The following RARB variants were observed in gnomAD, a reference collection of about 807,000 sequenced individuals.
RARB encodes the protein retinoic acid receptor beta, also known as HBV-activated protein.
RARB carries 17 observed loss-of-function variants against 51.9 expected under a neutral mutation model. The ratio of observed to expected loss-of-function variants is 0.33; its 90% CI spans 0.22 to 0.49. The LOEUF is 0.49. Among genes scored for constraint, RARB ranks in the 20% least tolerant of loss-of-function variants. The pLI is 0.99. For synonymous variants in RARB, 215 were observed against 195.4 expected (o/e 1.10, Z -0.84); for missense variants, 369 against 550.8 (o/e 0.67, Z 3.30).
At chr3:25,355,938 T>C (rs1705720538) in intron 5 of RARB, among the ~76,000 whole-genome samples, 1 of 152,166 alleles carries the variant, frequency 6.6e-6, no homozygotes, top group Non-Finnish European at 1.5e-5. Flanking sequence ...GAAAAAAAAG[T>C]TAAGCAGGAA....
intron 3 of RARB, among the ~76,000 whole-genome samples, chr3:25,563,947 CTTTTTTT>C (rs58611383): frequency 1.5e-5 from 2 of 137,014 alleles, no homozygotes; most frequent in East Asian, 2.1e-4. Flanking sequence ...TTGTATTTTC[CTTTTTTT>C]TTTTTTTTTT....
intron 5 of RARB, among the ~76,000 whole-genome samples, chr3:25,369,100 A>C (rs181257178): frequency 3.3e-5 from 5 of 152,342 alleles, no homozygotes; most frequent in African/African-American, 9.6e-5. Context: ...TTTAAATTAC[A>C]TAGCAATTTC....
intron 3 of RARB, among the ~76,000 whole-genome samples, chr3:25,518,280 G>A (rs1249102301): frequency 1.3e-5 from 2 of 151,766 alleles, no homozygotes; most frequent in African/African-American, 2.4e-5. Context: ...AATTGTTTCT[G>A]GTAGTCAGAG....
intron 3 of RARB, among the ~76,000 whole-genome samples, chr3:25,525,147 T>A (rs1698592126): frequency 6.6e-6 from 1 of 152,222 alleles, no homozygotes; most frequent in Non-Finnish European, 1.5e-5. Context: ...GACAAAGCTC[T>A]TCAAAAGTCC....
intron 5 of RARB, among the ~76,000 whole-genome samples, chr3:25,264,076 C>T (rs13093059): frequency 0.1 from 15,527 of 150,968 alleles, 987 homozygotes; most frequent in South Asian, 0.25. Flanking sequence ...GCAGGGTAAA[C>T]TAATAATATA....
At chr3:24,991,237 T>C (rs1005540084) in intron 2 of RARB, among the ~76,000 whole-genome samples, 1 of 152,118 alleles carries the variant, frequency 6.6e-6, no homozygotes, top group African/African-American at 2.4e-5. Context: ...GGTCAGGAGT[T>C]CAAGACCAGC....
intron 2 of RARB, among the ~76,000 whole-genome samples, chr3:24,978,434 C>A (rs1473583345): frequency 6.6e-6 from 1 of 152,076 alleles, no homozygotes; most frequent in African/African-American, 2.4e-5. Context: ...ATTTCAGAAC[C>A]TGTTATTGGC....
chr3:24,878,953 A>C (rs1478812828), intron 2 of RARB, among the ~76,000 whole-genome samples: 1 of 152,150 alleles, frequency 6.6e-6, no homozygotes, highest in Non-Finnish European at 1.5e-5. Flanking sequence ...ATTTCTTCTC[A>C]TTAAAAAATA....
At chr3:25,205,139 C>G (rs1265992435) in intron 5 of RARB, among the ~76,000 whole-genome samples, 3 of 152,170 alleles carry the variant, frequency 2.0e-5, no homozygotes, top group Admixed American at 6.5e-5. Context: ...TGCCCCTCCC[C>G]CAGCCTCTCT....
chr3:25,576,412 G>A (rs1015175250), intron 4 of RARB, among the ~76,000 whole-genome samples: 1 of 152,168 alleles, frequency 6.6e-6, no homozygotes, highest in African/African-American at 2.4e-5. Context: ...GACCACTCCA[G>A]AATTCTAGCA....
intron 5 of RARB, among the ~76,000 whole-genome samples, chr3:25,182,898 A>G (rs1700890241): frequency 6.6e-6 from 1 of 152,140 alleles, no homozygotes; most frequent in Admixed American, 6.5e-5. Context: ...ACACAGAGAT[A>G]GAGACACATG....
rs558760859 is a variant in RARB, at chr3:25,563,275, A to C, written c.449-6483A>C. ...CTCCATTTTACAAACCCTGAAATCAAAGTCCCTGGAAATGGAATAACTTGA... is the reference window on the plus strand; with the variant it reads ...CTCCATTTTACAAACCCTGAAATCACAGTCCCTGGAAATGGAATAACTTGA... On this transcript the variant is annotated intron_variant, in intron 3 of 7. Coordinates refer to ENST00000330688, the MANE Select transcript of RARB (RefSeq NM_000965.5). Among the ~76,000 whole-genome samples the C allele has an allele frequency of 2.6e-5, 4 of 152,326 alleles. No individual in the cohort carries two copies. In the East Asian group the frequency reaches 7.7e-4, roughly 29 times the overall value.
intron 4 of RARB, among the ~76,000 whole-genome samples, chr3:25,146,672 T>G (rs1168559705): frequency 2.0e-5 from 3 of 148,160 alleles, no homozygotes; most frequent in Non-Finnish European, 3.0e-5. Flanking sequence ...GCCCGGCTAA[T>G]TTTTTGTGGG....
intron 2 of RARB, among the ~76,000 whole-genome samples, chr3:25,474,765 A>T (rs1026317991): frequency 6.6e-6 from 1 of 152,176 alleles, no homozygotes; most frequent in South Asian, 2.1e-4. Flanking sequence ...AATTCTTGTT[A>T]TTTCACTAAA....
intron 1 of RARB, among the ~76,000 whole-genome samples, chr3:25,429,314 C>T (rs756487296): frequency 8.6e-5 from 13 of 151,978 alleles, no homozygotes; most frequent in Non-Finnish European, 1.5e-4. Flanking sequence ...TGTATAGGTC[C>T]CCCCACCCCT....
intron 2 of RARB, among the ~76,000 whole-genome samples, chr3:24,967,830 A>G (rs530791620): frequency 8.3e-4 from 127 of 152,214 alleles, no homozygotes; most frequent in Non-Finnish European, 1.4e-3. Flanking sequence ...TAACAGGTCA[A>G]ATAAATTAAT....
chr3:25,266,117 G>GT (rs1703119688), intron 5 of RARB, among the ~76,000 whole-genome samples: 1 of 152,046 alleles, frequency 6.6e-6, no homozygotes, highest in African/African-American at 2.4e-5. Flanking sequence ...GATTATAACT[G>GT]TATCTACAAC....
rs376672827 is a variant in RARB at position 24,868,857 on chromosome 3, A to C, written c.-380+10105A>C. Among the ~76,000 whole-genome samples the C allele has an allele frequency of 1.9e-4, 29 of 152,254 alleles. No individual in the cohort carries two copies. The South Asian group carries it at 6.0e-3, about 32-fold the overall frequency. On this transcript the variant is annotated intron_variant, in intron 2 of 11. Coordinates refer to the RARB transcript ENST00000383772. ...GGAAGTCCCACCCTGCCACTTCCAG[A>C]TGGCCTGCCTTTCTGGGCCAAACCA...
At chr3:25,031,455 G>A (rs1405031295) in intron 2 of RARB, among the ~76,000 whole-genome samples, 2 of 152,148 alleles carry the variant, frequency 1.3e-5, no homozygotes, top group Non-Finnish European at 1.5e-5. Context: ...ATATTATGAG[G>A]CCTCCCCCTT....
Sources: gnomAD v4.1 joint callset for allele counts (sites outside exome capture counted in the v4.1 genomes callset) on GRCh38, gnomAD v4.1.1 for gene constraint, MANE v1.5 for transcripts, NCBI Gene and HGNC (gene_info 2026-07-23, HGNC 2026-07-21) for gene names.